FBLIM1: variants seen among roughly 807,000 people sequenced by gnomAD.
FBLIM1 encodes filamin binding LIM protein 1.
FBLIM1 carries 29 observed loss-of-function variants against 37.4 expected under a neutral mutation model. The ratio of observed to expected loss-of-function variants is 0.77; its 90% CI spans 0.58 to 1.06. The LOEUF is 1.06. Ranked by LOEUF, FBLIM1 falls within the 50% of genes least tolerant of loss-of-function variation. The probability of loss-of-function intolerance (pLI) is 0.00; values close to 1 mark genes in which losing one functional copy is unlikely to be tolerated. For synonymous variants in FBLIM1, 193 were observed against 199.0 expected (o/e 0.97, Z 0.25); for missense variants, 449 against 505.6 (o/e 0.89, Z 1.07).
In FBLIM1 at chr1:15,774,946, C is replaced by A. The variant is rs571905290; in HGVS notation, c.890+150C>A. The A allele has an allele frequency of 4.0e-6, 6 of 1,511,026 alleles. No homozygotes were observed. The South Asian group carries it at 6.3e-5, about 16-fold the overall frequency. The allele number at this position is 1,511,026 out of a possible 1,614,324, so 93.6% of individuals were successfully genotyped here. On this transcript the variant is annotated intron_variant, in intron 7 of 8. Coordinates refer to ENST00000375766, the MANE Select transcript of FBLIM1 (RefSeq NM_017556.4). ...GAATATTACAGGGCTGGGCTGGGCG[C>A]GGTGGCTCACGCCTGTAATCCCAGC...
chr1:15,768,205 G>T (rs1280384139), intron 4 of FBLIM1, among the ~76,000 whole-genome samples: 1 of 152,112 alleles, frequency 6.6e-6, no homozygotes, highest in African/African-American at 2.4e-5. Context: ...TTTAACCCTG[G>T]GCCCTTAACA....
In FBLIM1 at chr1:15,770,399, C is replaced by T; in HGVS notation, c.542-10C>T. ...TGGGCTGGTGATGGCCTGTGTCTCC[C>T]CTACCCCAGACATCTGTGCCTTCTG... On this transcript the variant is annotated splice_polypyrimidine_tract_variant and intron_variant, in intron 5 of 8. Coordinates refer to ENST00000375766, the MANE Select transcript of FBLIM1 (RefSeq NM_017556.4). 1.2e-6 allele frequency: 2 copies of T among 1,611,154 alleles called. No individual in the cohort carries two copies. The highest frequency in any genetic ancestry group is 1.1e-5 in the South Asian group (1 of 90,950).
Position 15,765,022 on chromosome 1 carries a change from CT to C in FBLIM1, c.42del (p.Phe14LeufsTer17). ...CTGAGAAGAGGGTGGCATCGTCTGT[CT>C]TTATCACCCTGGCACCCCCGCGCCG... ...KPEKRVASSV[F>X]ITLAPPRRDV... On this transcript the variant is annotated frameshift_variant, in exon 3 of 9. Transcript: ENST00000375766. LOFTEE classifies it high-confidence loss of function. The surrounding 1 kb of genome is among the most constrained non-coding windows in gnomAD (Gnocchi z 5.9). 6.2e-7 allele frequency: 1 copy of C among 1,613,976 alleles called. No individual in the cohort carries two copies.
chr1:15,774,174 A>G lies in FBLIM1; in HGVS notation c.712-444A>G, dbSNP rs116483713. Among the ~76,000 whole-genome samples the G allele has an allele frequency of 4.1e-3, 630 of 152,256 alleles. 2 individuals carry two copies. Among genetic ancestry groups the G allele is most frequent in the African/African-American group, 0.014 (573 of 41,556 alleles). On this transcript the variant is annotated intron_variant, in intron 6 of 8. Coordinates refer to ENST00000375766, the MANE Select transcript of FBLIM1 (RefSeq NM_017556.4). Reference sequence around the variant, plus strand: ...CAAATAACAACAAAAAAGCCCTATAATGGTTTCTAAACGTGAAATGTGGAA... The same window carrying G: ...CAAATAACAACAAAAAAGCCCTATAGTGGTTTCTAAACGTGAAATGTGGAA...
In FBLIM1 at chr1:15,763,073, C is replaced by CT. The variant is rs71572174; in HGVS notation, c.-210-1410dup. Among the ~76,000 whole-genome samples, 564 of 143,398 alleles carry CT rather than the reference C, an allele frequency of 3.9e-3. 2 individuals are homozygous for CT. The highest frequency in any genetic ancestry group is 0.013 in the African/African-American group (498 of 39,426). The allele number at this position is 143,398 out of a possible 152,430, so 94.1% of individuals were successfully genotyped here. ...GGTGGTGGAGAGCCATACTTTTTTT[C>CT]TTTTTTTTTTTTTAGACAGAGTTTC... On this transcript the variant is annotated intron_variant, in intron 1 of 8. Coordinates refer to ENST00000375766, the MANE Select transcript of FBLIM1 (RefSeq NM_017556.4).
chr1:15,763,000 C>T (rs2068745629), intron 1 of FBLIM1, among the ~76,000 whole-genome samples: 1 of 152,038 alleles, frequency 6.6e-6, no homozygotes, highest in Non-Finnish European at 1.5e-5. Context: ...GGCGAGTGGT[C>T]CAGGGGCTCA....
chr1:15,760,839 TG>T (rs1277312938), intron 1 of FBLIM1, among the ~76,000 whole-genome samples: 1 of 152,112 alleles, frequency 6.6e-6, no homozygotes, highest in African/African-American at 2.4e-5. Context: ...GAGGGTCCCC[TG>T]GGCACAGCTG....
At position 15,784,695 on chromosome 1, in the gene FBLIM1, C is replaced by A. The variant is rs762804307; in HGVS notation, c.*34C>A. ...GCTGGGCAGTGAACAGACCACTAGCCCCGGCTGGGGCCCTTCCCTGACTTG... is the reference window on the plus strand; with the variant it reads ...GCTGGGCAGTGAACAGACCACTAGCACCGGCTGGGGCCCTTCCCTGACTTG... On this transcript the variant is annotated 3_prime_UTR_variant, in exon 9 of 9. Coordinates refer to ENST00000375766, the MANE Select transcript of FBLIM1 (RefSeq NM_017556.4). 1.3e-6 allele frequency: 2 copies of A among 1,586,224 alleles called. No individual in the cohort carries two copies. Among genetic ancestry groups the A allele is most frequent in the East Asian group, 2.2e-5 (1 of 44,656 alleles).
Position 15,784,697 on chromosome 1 carries a change from C to A in FBLIM1, c.*36C>A. 1 of 1,577,262 alleles carries A rather than the reference C, an allele frequency of 6.3e-7. No homozygotes were observed. Among genetic ancestry groups the A allele is most frequent in the Non-Finnish European group, 8.7e-7 (1 of 1,149,710 alleles). On this transcript the variant is annotated 3_prime_UTR_variant, in exon 9 of 9. Transcript: ENST00000375766. ...TGGGCAGTGAACAGACCACTAGCCC[C>A]GGCTGGGGCCCTTCCCTGACTTGGT...
intron 8 of FBLIM1, among the ~76,000 whole-genome samples, chr1:15,781,002 G>A (rs1340088214): frequency 6.6e-6 from 1 of 152,046 alleles, no homozygotes; most frequent in East Asian, 1.9e-4. Flanking sequence ...AAACCCCCCC[G>A]GTAGTCCTTG....
chr1:15,776,118 T>C (rs945360968), intron 7 of FBLIM1, among the ~76,000 whole-genome samples: 3 of 151,798 alleles, frequency 2.0e-5, no homozygotes, highest in East Asian at 1.9e-4. Flanking sequence ...CAAAAACATA[T>C]ATAAAAAACA....
intron 8 of FBLIM1, among the ~76,000 whole-genome samples, chr1:15,782,383 GGGTGACAGAGT>G: frequency 6.6e-6 from 1 of 150,924 alleles, no homozygotes; most frequent in East Asian, 2.0e-4. Context: ...ACTCTAGCCT[GGGTGACAGAGT>G]GAGACTCTAT....
intron 7 of FBLIM1, 128 bp downstream of exon 7, chr1:15,774,924 T>G: frequency 6.4e-7 from 1 of 1,571,980 alleles, no homozygotes; most frequent in Non-Finnish European, 8.6e-7. Context: ...TTATAAAGAA[T>G]ATTACAGGGC....
Position 15,767,451 on chromosome 1 carries a change from C to A in FBLIM1, c.326C>A (p.Pro109Gln). 1.3e-6 allele frequency: 2 copies of A among 1,567,540 alleles called. No individual in the cohort carries two copies. The highest frequency in any genetic ancestry group is 1.7e-6 in the Non-Finnish European group (2 of 1,154,416). Residue 109 changes from proline to glutamine, a missense_variant, in exon 4 of 9, where the codon CCG becomes CAG. Coordinates refer to ENST00000375766, the MANE Select transcript of FBLIM1 (RefSeq NM_017556.4). ...CTGGACCTCCTCCCACCCCCTCCAC[C>A]GCCCCCTCCAGTGCTTCTGCCTTCT... ...PDLDLLPPPP[P>Q]PPPVLLPSEE...
At position 15,785,843 on chromosome 1, in the gene FBLIM1, G is replaced by T. The variant is rs2069756153; in HGVS notation, c.*1182G>T. ...GGCCCAGACCCAAGAGGAGAGGGTG[G>T]TCCGCAGACACCCCGGGATGTCAGC... On this transcript the variant is annotated 3_prime_UTR_variant, in exon 9 of 9. Coordinates refer to ENST00000375766, the MANE Select transcript of FBLIM1 (RefSeq NM_017556.4). 1 of 152,296 alleles carries T rather than the reference G, an allele frequency of 6.6e-6. No homozygotes were observed. Among genetic ancestry groups the T allele is most frequent in the South Asian group, 2.1e-4 (1 of 4,834 alleles). The allele number at this position is 152,296 out of a possible 1,614,324, so 9.4% of individuals were successfully genotyped here.
At chr1:15,784,071 C>T (rs1253768388) in intron 8 of FBLIM1, among the ~76,000 whole-genome samples, 2 of 152,158 alleles carry the variant, frequency 1.3e-5, no homozygotes, top group Admixed American at 6.5e-5. Flanking sequence ...CCTGTAATCC[C>T]AGCTACCTGG....
intron 2 of FBLIM1, 46 bp downstream of exon 2, chr1:15,764,731 G>T: frequency 3.7e-6 from 2 of 544,528 alleles, no homozygotes; most frequent in East Asian, 3.1e-5. Flanking sequence ...TTCGGGGGAG[G>T]GGCAGTCAGG....
rs1250599175 is a variant in FBLIM1 at position 15,785,625 on chromosome 1, ACT to A, written c.*967_*968del. The stretch of plus-strand genomic sequence containing the variant: ...ACTCCAGCCTGGGAGACACAGCGAG[ACT>A]CTGTCTCCAAAAAAAAAAGTGCTTT... On this transcript the variant is annotated 3_prime_UTR_variant, in exon 9 of 9. Coordinates refer to ENST00000375766, the MANE Select transcript of FBLIM1 (RefSeq NM_017556.4). 6.6e-6 allele frequency: 1 copy of A among 152,056 alleles called. No homozygotes were observed. Among genetic ancestry groups the A allele is most frequent in the Non-Finnish European group, 1.5e-5 (1 of 68,010 alleles). The allele number at this position is 152,056 out of a possible 1,614,324, so 9.4% of individuals were successfully genotyped here. A position where few individuals can be genotyped will look rare whatever the true frequency, so the allele number is the denominator to read the frequency against.
chr1:15,761,912 T>C (rs1274703128), intron 1 of FBLIM1, among the ~76,000 whole-genome samples: 2 of 152,104 alleles, frequency 1.3e-5, no homozygotes, highest in Non-Finnish European at 2.9e-5. Context: ...GGCACAGGCA[T>C]TGGGTGCCTG....
Sources: allele counts gnomAD v4.1 joint callset (sites outside exome capture counted in the v4.1 genomes callset), GRCh38; gene constraint gnomAD v4.1.1; non-coding constraint Gnocchi (gnomAD v3.1); transcripts MANE v1.5; gene names NCBI Gene and HGNC (gene_info 2026-07-23, HGNC 2026-07-21).